Variants in TXNL4B observed in about 807,000 individuals in gnomAD.
TXNL4B encodes thioredoxin like 4B.
TXNL4B carries 12 observed loss-of-function variants against 13.0 expected under a neutral mutation model. That is an observed-to-expected ratio of 0.92 (90% CI 0.59 to 1.49). TXNL4B has a LOEUF of 1.49. Among genes scored for constraint, TXNL4B ranks in the 40% most tolerant of loss-of-function variants. The pLI is 0.00. For synonymous variants in TXNL4B, 59 were observed against 58.9 expected (o/e 1.00, Z -0.01); for missense variants, 214 against 173.6 (o/e 1.23, Z -1.31).
intron 1 of TXNL4B, among the ~76,000 whole-genome samples, chr16:72,091,061 G>T (rs149420488): frequency 6.6e-6 from 1 of 152,058 alleles, no homozygotes; most frequent in Admixed American, 6.6e-5. Context: ...TATGCGTTCC[G>T]ATATTTTTTT....
intron 2 of TXNL4B, chr16:72,090,113 C>T (rs542177839): frequency 1.3e-4 from 60 of 455,984 alleles, no homozygotes; most frequent in African/African-American, 7.0e-4. Context: ...GTAGAAATGG[C>T]GGTAAGAGGT....
rs761286596 is a variant in TXNL4B, at chr16:72,089,149, C to G, written c.133-11G>C. 2.5e-6 allele frequency: 4 copies of G among 1,601,740 alleles called. No individual in the cohort carries two copies. The highest frequency in any genetic ancestry group is 3.4e-5 in the Admixed American group (2 of 59,144). On this transcript the variant is annotated splice_polypyrimidine_tract_variant and intron_variant, in intron 2 of 3. Coordinates refer to ENST00000268483, the MANE Select transcript of TXNL4B (RefSeq NM_017853.3). ...AGAGGTCTTAGAAAGCTGCAAATGA[C>G]GAGAGAGACAAAGGTTACAATATGA...
rs1040755789 is a variant in TXNL4B at position 72,086,511 on chromosome 16, A to C, written c.*126T>G. 1.2e-6 allele frequency: 1 copy of C among 841,992 alleles called. No homozygotes were observed. Among genetic ancestry groups the C allele is most frequent in the South Asian group, 2.4e-5 (1 of 41,030 alleles). The allele number at this position is 841,992 out of a possible 1,614,324, so 52.2% of individuals were successfully genotyped here. On this transcript the variant is annotated 3_prime_UTR_variant, in exon 4 of 4. Transcript: ENST00000268483. ...TTTCCTCAGGGGCCGGGTTTTCTAC[A>C]CGCAAGTCAAACCTCTTCTCCTCTG...
intron 1 of TXNL4B, among the ~76,000 whole-genome samples, chr16:72,091,531 C>T (rs1209885295): frequency 6.6e-6 from 1 of 152,240 alleles, no homozygotes; most frequent in African/African-American, 2.4e-5. Flanking sequence ...AGCACACACA[C>T]TTTATCTACT....
At chr16:72,090,872 T>C (rs1273677550) in intron 1 of TXNL4B, 86 bp from the exon 2 acceptor site, 16 of 1,034,826 alleles carry the variant, frequency 1.5e-5, no homozygotes, top group Non-Finnish European at 2.0e-5. Context: ...GAGTAGCTAA[T>C]GTATTCACAT....
At chr16:72,088,927 G>A (rs2144102150) in intron 3 of TXNL4B, 60 bp downstream of exon 3, 3 of 1,402,998 alleles carry the variant, frequency 2.1e-6, no homozygotes, top group South Asian at 1.3e-5. Context: ...GCAAGCTACT[G>A]AAAATGCTTA....
rs1431827371 is a variant in TXNL4B, at chr16:72,085,195, G to C, written c.*1442C>G. 2 of 394,248 alleles carry C rather than the reference G, an allele frequency of 5.1e-6. No individual in the cohort carries two copies. Among genetic ancestry groups the C allele is most frequent in the Non-Finnish European group, 8.9e-6 (2 of 224,054 alleles). The allele number at this position is 394,248 out of a possible 1,614,324, so 24.4% of individuals were successfully genotyped here. A position where few individuals can be genotyped will look rare whatever the true frequency, so the allele number is the denominator to read the frequency against. ...TCTCTCCTGTATGAGCCAAAAGCAA[G>C]ACTCATGGCACCCCTCCCTGCAGGA... On this transcript the variant is annotated 3_prime_UTR_variant, in exon 4 of 4. Transcript: ENST00000268483.
intron 1 of TXNL4B, among the ~76,000 whole-genome samples, chr16:72,091,071 TTC>T (rs1240919695): frequency 6.6e-6 from 1 of 152,156 alleles, no homozygotes; most frequent in Non-Finnish European, 1.5e-5. Context: ...GATATTTTTT[TTC>T]TCTCTCTCCC....
Position 72,085,924 on chromosome 16 carries a change from AC to A in TXNL4B, c.*712del, listed in dbSNP as rs1298122542. The A allele has an allele frequency of 5.3e-5, 8 of 150,792 alleles. No individual in the cohort carries two copies. In the East Asian group the frequency reaches 1.6e-3, roughly 29 times the overall value. 9.3% of individuals were successfully genotyped at this position (150,792 alleles called of 1,614,324 possible). On this transcript the variant is annotated 3_prime_UTR_variant, in exon 4 of 4. Coordinates refer to ENST00000268483, the MANE Select transcript of TXNL4B (RefSeq NM_017853.3). ...AGGCTGAAGCAGGAAAATGGCATGA[AC>A]CCAGGAGGTGGAGCTTGCAGTGAGC...
chr16:72,091,106 G>C (rs1181433482), intron 1 of TXNL4B, among the ~76,000 whole-genome samples: 1 of 151,948 alleles, frequency 6.6e-6, no homozygotes, highest in Admixed American at 6.6e-5. Context: ...ATAGCCTATT[G>C]TATCAGTGTT....
Position 72,086,495 on chromosome 16 carries a change from G to C in TXNL4B, c.*142C>G. ...AGAACCAGTGGGGTCTTTTCCTCAG[G>C]GGCCGGGTTTTCTACACGCAAGTCA... On this transcript the variant is annotated 3_prime_UTR_variant, in exon 4 of 4. Transcript: ENST00000268483. The C allele has an allele frequency of 3.0e-6, 2 of 665,162 alleles. No homozygotes were observed. Among genetic ancestry groups the C allele is most frequent in the South Asian group, 5.8e-5 (2 of 34,654 alleles). The allele number at this position is 665,162 out of a possible 1,614,324, so 41.2% of individuals were successfully genotyped here. A position where few individuals can be genotyped will look rare whatever the true frequency, so the allele number is the denominator to read the frequency against.
chr16:72,091,506 C>A (rs930627475), intron 1 of TXNL4B, among the ~76,000 whole-genome samples: 51 of 152,186 alleles, frequency 3.4e-4, no homozygotes, highest in African/African-American at 1.1e-3. Flanking sequence ...GTGGAGGGAC[C>A]AATGGCAGAT....
intron 1 of TXNL4B, among the ~76,000 whole-genome samples, chr16:72,092,805 A>G (rs2041932896): frequency 1.3e-5 from 2 of 152,248 alleles, no homozygotes; most frequent in Non-Finnish European, 2.9e-5. Flanking sequence ...GACAGTAAAT[A>G]AACTAAAAAG....
Position 72,086,431 on chromosome 16 carries a change from C to T in TXNL4B, c.*206G>A, listed in dbSNP as rs2041823968. 1 of 449,922 alleles carries T rather than the reference C, an allele frequency of 2.2e-6. No homozygotes were observed. The allele number at this position is 449,922 out of a possible 1,614,324, so 27.9% of individuals were successfully genotyped here. ...CACCAATGACTTGGCTGCTCTGAGG[C>T]TTGCAGGGAGTAGACAGTTAGGCAT... On this transcript the variant is annotated 3_prime_UTR_variant, in exon 4 of 4. Transcript: ENST00000268483.
At chr16:72,090,243 C>A (rs1357229918) in intron 2 of TXNL4B, 11 of 460,226 alleles carry the variant, frequency 2.4e-5, no homozygotes, top group Non-Finnish European at 4.4e-5. Flanking sequence ...TATAGTGGAT[C>A]TGCACCTGTG....
chr16:72,090,454 T>G (rs998510442), intron 2 of TXNL4B, among the ~76,000 whole-genome samples, 164 bp downstream of exon 2: 1 of 152,172 alleles, frequency 6.6e-6, no homozygotes, highest in African/African-American at 2.4e-5. Context: ...ACACACAGAT[T>G]TGGGGGCTTG....
At chr16:72,090,843 TA>T (rs1271303998) in intron 1 of TXNL4B, 57 bp from the exon 2 acceptor site, 89 of 1,390,150 alleles carry the variant, frequency 6.4e-5, no homozygotes, top group East Asian at 3.9e-4. Flanking sequence ...GAGCCCTCAT[TA>T]AAAAAAATTA....
Position 72,093,367 on chromosome 16 carries a change from C to T in TXNL4B, c.-38G>A, listed in dbSNP as rs1033493236. ...AGCGCTAAGGGACCCCAGCACTTAC[C>T]TTACTCGTCCACGCCGCCTCACTCC... is the stretch of plus-strand genomic sequence containing the variant. On this transcript the variant is annotated splice_region_variant and 5_prime_UTR_variant, in exon 1 of 4. Transcript: ENST00000268483. The T allele has an allele frequency of 1.3e-5, 2 of 152,304 alleles. No individual in the cohort carries two copies. The highest frequency in any genetic ancestry group is 4.8e-5 in the African/African-American group (2 of 41,456). 9.4% of individuals were successfully genotyped at this position (152,304 alleles called of 1,614,324 possible).
At chr16:72,092,383 A>T (rs530341486) in intron 1 of TXNL4B, among the ~76,000 whole-genome samples, 1 of 152,052 alleles carries the variant, frequency 6.6e-6, no homozygotes, top group African/African-American at 2.4e-5. Flanking sequence ...ACTGCACTCC[A>T]GCCTGGGCAA....
Sources: allele counts gnomAD v4.1 joint callset (sites outside exome capture counted in the v4.1 genomes callset), GRCh38; gene constraint gnomAD v4.1.1; transcripts MANE v1.5; gene names NCBI Gene and HGNC (gene_info 2026-07-23, HGNC 2026-07-21).